TMEM17: variants seen among roughly 807,000 people sequenced by gnomAD.
TMEM17 encodes transmembrane protein 17.
In TMEM17, 15 loss-of-function variants were observed where a neutral mutation model predicts 19.1. That is an observed-to-expected ratio of 0.78 (90% CI 0.52 to 1.21). The LOEUF is 1.21. Among genes scored for constraint, TMEM17 ranks in the 50% most tolerant of loss-of-function variants. The pLI, the probability that TMEM17 is intolerant of heterozygous loss-of-function variation, is 0.00. For synonymous variants in TMEM17, 103 were observed against 86.9 expected (o/e 1.19, Z -1.03); for missense variants, 245 against 242.3 (o/e 1.01, Z -0.07).
At chr2:62,467,901 T>C in the TMEM17 span, among the ~76,000 whole-genome samples, 1 of 138,528 alleles carries the variant, frequency 7.2e-6, no homozygotes, top group African/African-American at 2.6e-5. Context: ...TTTTTTTTTT[T>C]CTAATCAGAA....
chr2:62,481,547 A>C, the TMEM17 span, among the ~76,000 whole-genome samples: 2 of 152,148 alleles, frequency 1.3e-5, no homozygotes, highest in Admixed American at 1.3e-4. Flanking sequence ...TTCCTGGTTC[A>C]ATATAATGTT....
chr2:62,484,929 C>T, the TMEM17 span, among the ~76,000 whole-genome samples: 1 of 152,146 alleles, frequency 6.6e-6, no homozygotes, highest in Admixed American at 6.5e-5. Context: ...ATGGCTTTCC[C>T]AACTAATTCA....
the TMEM17 span, among the ~76,000 whole-genome samples, chr2:62,462,727 G>A: frequency 2.0e-5 from 3 of 152,088 alleles, no homozygotes; most frequent in Non-Finnish European, 4.4e-5. Flanking sequence ...TGCACTTGAG[G>A]GTCTGATTAT....
chr2:62,472,738 G>C, the TMEM17 span, among the ~76,000 whole-genome samples: 1 of 152,228 alleles, frequency 6.6e-6, no homozygotes, highest in African/African-American at 2.4e-5. Flanking sequence ...GTTTTAATGT[G>C]TCTCTCAACC....
downstream of TMEM17, among the ~76,000 whole-genome samples, chr2:62,499,294 A>T (rs1279154464): frequency 6.6e-6 from 1 of 152,210 alleles, no homozygotes; most frequent in Non-Finnish European, 1.5e-5. Flanking sequence ...CTCTGGAAAC[A>T]ATCTTGAAAT....
the TMEM17 span, among the ~76,000 whole-genome samples, chr2:62,465,995 G>T: frequency 6.6e-6 from 1 of 152,138 alleles, no homozygotes; most frequent in African/African-American, 2.4e-5. Context: ...TTGGAGAAAG[G>T]CAGTAGGAAG....
chr2:62,499,083 T>A (rs1023407677), downstream of TMEM17, among the ~76,000 whole-genome samples: 1 of 152,234 alleles, frequency 6.6e-6, no homozygotes, highest in Non-Finnish European at 1.5e-5. Flanking sequence ...CAATTTACTA[T>A]CTTTTTTCCC....
At chr2:62,461,645 C>T in the TMEM17 span, among the ~76,000 whole-genome samples, 1 of 152,198 alleles carries the variant, frequency 6.6e-6, no homozygotes, top group South Asian at 2.1e-4. Context: ...CCAGAACCCT[C>T]TGGGGGCGTC....
At position 62,502,802 on chromosome 2, in the gene TMEM17, A is replaced by G. The variant is rs1302636701; in HGVS notation, c.101-8T>C. ...TGGAGACCATTTCATTTTCTACAGAAGGAACAGAAAAGGAACAAATGATGA... is the reference window on the plus strand; with the variant it reads ...TGGAGACCATTTCATTTTCTACAGAGGGAACAGAAAAGGAACAAATGATGA... On this transcript the variant is annotated splice_polypyrimidine_tract_variant and splice_region_variant and intron_variant, in intron 1 of 3. Transcript: ENST00000335390. 1.3e-6 allele frequency: 2 copies of G among 1,559,074 alleles called. No homozygotes were observed. The highest frequency in any genetic ancestry group is 4.5e-5 in the East Asian group (2 of 44,460).
chr2:62,478,811 C>T, the TMEM17 span, among the ~76,000 whole-genome samples: 329 of 151,812 alleles, frequency 2.2e-3, 2 homozygotes, highest in African/African-American at 7.4e-3. Flanking sequence ...TGAAGTTTAC[C>T]GTAACTATTA....
chr2:62,482,455 C>T, the TMEM17 span, among the ~76,000 whole-genome samples: 3 of 152,152 alleles, frequency 2.0e-5, no homozygotes, highest in Non-Finnish European at 4.4e-5. Flanking sequence ...TTGTTATGTA[C>T]CATCTGGAAC....
chr2:62,485,764 A>AT, the TMEM17 span, among the ~76,000 whole-genome samples: 1 of 152,240 alleles, frequency 6.6e-6, no homozygotes, highest in South Asian at 2.1e-4. Context: ...ACAACTGGTT[A>AT]TTTGCTGTCA....
the TMEM17 span, among the ~76,000 whole-genome samples, chr2:62,468,274 C>T: frequency 6.6e-6 from 1 of 152,090 alleles, no homozygotes; most frequent in Admixed American, 6.5e-5. Flanking sequence ...GAGAGAAGGC[C>T]GTGTGTTCTC....
Position 62,501,168 on chromosome 2 carries a change from C to A in TMEM17, c.*41G>T. 1 of 1,593,706 alleles carries A rather than the reference C, an allele frequency of 6.3e-7. No homozygotes were observed. Among genetic ancestry groups the A allele is most frequent in the Non-Finnish European group, 8.6e-7 (1 of 1,167,748 alleles). ...CTGATATTTTCCTAACTCTTACAGT[C>A]TCTAGAATGATCTGTCAGATTTTCA... On this transcript the variant is annotated 3_prime_UTR_variant, in exon 4 of 4. Coordinates refer to ENST00000335390, the MANE Select transcript of TMEM17 (RefSeq NM_198276.3).
chr2:62,490,398 G>T, the TMEM17 span, among the ~76,000 whole-genome samples: 6 of 152,142 alleles, frequency 3.9e-5, no homozygotes, highest in African/African-American at 1.4e-4. Flanking sequence ...TGAATAGCTA[G>T]AACTACCAGC....
the TMEM17 span, among the ~76,000 whole-genome samples, chr2:62,467,464 G>A: frequency 6.6e-6 from 1 of 152,202 alleles, no homozygotes; most frequent in African/African-American, 2.4e-5. Context: ...AGAGACTTCT[G>A]AAGTGTCTTT....
chr2:62,485,023 C>T, the TMEM17 span, among the ~76,000 whole-genome samples: 18 of 152,206 alleles, frequency 1.2e-4, no homozygotes, highest in Admixed American at 9.8e-4. Flanking sequence ...CTGCAACCTC[C>T]GCCTCCCAGG....
At chr2:62,454,476 G>A in the TMEM17 span, among the ~76,000 whole-genome samples, 23 of 152,302 alleles carry the variant, frequency 1.5e-4, no homozygotes, top group Admixed American at 3.3e-4. Context: ...CAATATAGCT[G>A]CGGTACAGGA....
the TMEM17 span, among the ~76,000 whole-genome samples, chr2:62,486,966 T>C: frequency 6.6e-6 from 1 of 152,170 alleles, no homozygotes; most frequent in Non-Finnish European, 1.5e-5. Context: ...GTCGGGGAGC[T>C]GCTCAGTGTA....
Sources: gnomAD v4.1 joint callset for allele counts (sites outside exome capture counted in the v4.1 genomes callset) on GRCh38, gnomAD v4.1.1 for gene constraint, MANE v1.5 for transcripts, NCBI Gene and HGNC (gene_info 2026-07-23, HGNC 2026-07-21) for gene names.